PRX: variants seen among roughly 807,000 people sequenced by gnomAD.
The protein encoded by PRX is periaxin.
In PRX, 24 loss-of-function variants were observed where a neutral mutation model predicts 29.6. The ratio of observed to expected loss-of-function variants is 0.81; its 90% CI spans 0.59 to 1.14. PRX has a LOEUF of 1.14. Among genes scored for constraint, PRX ranks in the 50% most tolerant of loss-of-function variants. PRX has a pLI of 0.00. For synonymous variants in PRX, 772 were observed against 831.7 expected, an observed-to-expected ratio of 0.93 and a Z score of 1.24; for missense variants, 1,838 against 1,926.4, an observed-to-expected ratio of 0.95 and a Z score of 0.86.
chr19:40,395,377 G>T lies in PRX; in HGVS notation c.2975C>A (p.Ser992Tyr). ...EAGLLPALDL[S>Y]IPQLSLDAHL... is the part of the protein sequence containing the mutation. ...GGCATCCAGGCTGAGCTGTGGGATG[G>T]ACAGATCGAGGGCAGGCAGCAGGCC... Residue 992 changes from serine (S) to tyrosine (Y), a missense_variant, in exon 7 of 7, where the codon TCC becomes TAC. Ser to Tyr is a moderately radical substitution (Grantham distance 144). Transcript: ENST00000324001. 6.2e-7 allele frequency: 1 copy of T among 1,613,694 alleles called. No homozygotes were observed. The highest frequency in any genetic ancestry group is 8.5e-7 in the Non-Finnish European group (1 of 1,179,992).
rs775152960 is a variant in PRX at position 40,395,606 on chromosome 19, C to A, written c.2746G>T (p.Gly916Trp). 2.5e-6 allele frequency: 4 copies of A among 1,614,238 alleles called. No individual in the cohort carries two copies. The highest frequency in any genetic ancestry group is 2.5e-6 in the Non-Finnish European group (3 of 1,180,038). ...TTTGTCTCTATCATCTCCAGCCGCC[C>A]TTCCTCAATTTCCACGGCGGGCAGC... is the stretch of plus-strand genomic sequence containing the variant. The part of the protein sequence containing the change: ...PQLPAVEIEE[G>W]RLEMIETKVK... The change falls in exon 7 of 7, where the codon GGG becomes TGG. Residue 916 changes from glycine (G) to tryptophan (W), a missense_variant. This residue lies in a region of PRX where 1,143 missense variants were observed against 1,193.0 expected (regional missense o/e 0.96). Transcript: ENST00000324001.
chr19:40,397,715 G>A lies in PRX; in HGVS notation c.637C>T (p.Pro213Ser), dbSNP rs1192841059. 2.6e-6 allele frequency: 4 copies of A among 1,560,504 alleles called. No homozygotes were observed. The highest frequency in any genetic ancestry group is 1.2e-5 in the South Asian group (1 of 85,504). ...GCCTCCACCTTGGCTTTCCTGGGGG[G>A]AGGAGCGGCGGCGGCCAGCCGGGCT... is the stretch of plus-strand genomic sequence containing the variant. The part of the protein sequence containing the change: ...QAARLAAAAP[P>S]PRKAKVEAEV... Residue 213 changes from proline to serine, a missense_variant, in exon 7 of 7, where the codon CCC (proline) becomes TCC (serine). Physicochemically the swap from Pro to Ser is moderately conservative, Grantham distance 74. Coordinates refer to ENST00000324001, the MANE Select transcript of PRX (RefSeq NM_181882.3).
In PRX at chr19:40,407,142, C is replaced by A. The variant is rs541571232; in HGVS notation, c.27+764G>T. ...AGATCATCTGCCCAGGGCCACACAGCTGAAGTGGTAGGGTTGGGATTTGAG... is the reference window on the plus strand; with the variant it reads ...AGATCATCTGCCCAGGGCCACACAGATGAAGTGGTAGGGTTGGGATTTGAG... On this transcript the variant is annotated intron_variant, in intron 4 of 6. Transcript: ENST00000324001. Among the ~76,000 whole-genome samples the A allele has an allele frequency of 4.0e-5, 6 of 151,012 alleles. No individual in the cohort carries two copies. In the South Asian group the frequency reaches 1.3e-3, roughly 32 times the overall value.
intron 1 of PRX, 65 bp from the exon 2 acceptor site, chr19:40,408,448 C>A (rs144531065): frequency 1.1e-3 from 230 of 206,364 alleles, no homozygotes; most frequent in African/African-American, 5.0e-3. Context: ...GAGTGCCTGA[C>A]CCTGCTGCGT....
In PRX at chr19:40,397,887, G is replaced by A. The variant is rs775177164; in HGVS notation, c.465C>T (p.Asp155=). ...AGAACTTGGGAAAGGAGAACTCGAC[G>A]TCAACAGGGGCCAGGTCAGCGGGGA... is the stretch of plus-strand genomic sequence containing the variant. ...LGVPADLAPV[D]VEFSFPKFSR... is the part of the protein sequence containing the mutation. The change falls in exon 7 of 7, where the codon GAC becomes GAT. Residue 155 remains aspartate, a synonymous_variant. Coordinates refer to ENST00000324001, the MANE Select transcript of PRX (RefSeq NM_181882.3). The A allele has an allele frequency of 3.1e-6, 5 of 1,611,462 alleles. No individual in the cohort carries two copies. In the South Asian group the frequency reaches 3.3e-5, roughly 11 times the overall value.
intron 4 of PRX, among the ~76,000 whole-genome samples, chr19:40,405,168 C>A (rs1032632358): frequency 6.6e-5 from 10 of 152,062 alleles, no homozygotes; most frequent in Non-Finnish European, 8.8e-5. Context: ...CATGGCATTC[C>A]CGGTATTTAC....
intron 4 of PRX, among the ~76,000 whole-genome samples, chr19:40,405,526 G>T (rs2145743206): frequency 6.6e-6 from 1 of 152,134 alleles, no homozygotes; most frequent in Admixed American, 6.5e-5. Context: ...GGCAGTCTGG[G>T]TAAGGAGAGT....
chr19:40,403,829 C>T lies in PRX; in HGVS notation c.61G>A (p.Val21Met). ...ACCCCGGTCTGCGCCTCCGTCTCCA[C>T]GATAATTTCCACCAACTCCGCCCGC... is the stretch of plus-strand genomic sequence containing the variant. ...LRRAELVEII[V>M]ETEAQTGVSG... is the part of the protein sequence containing the mutation. The change falls in exon 5 of 7, where the codon GTG (valine) becomes ATG (methionine). Residue 21 changes from valine (V) to methionine (M), a missense_variant. Val to Met is a conservative substitution (Grantham distance 21, BLOSUM62 1). Around this residue, in one of 3 missense-constraint regions of PRX, gnomAD observed 666 missense variants for 665.0 expected, o/e 1.00. Coordinates refer to ENST00000324001, the MANE Select transcript of PRX (RefSeq NM_181882.3). 1 of 1,606,502 alleles carries T rather than the reference C, an allele frequency of 6.2e-7. No individual in the cohort carries two copies. The highest frequency in any genetic ancestry group is 8.5e-7 in the Non-Finnish European group (1 of 1,178,484).
rs1404974859 is a variant in PRX at position 40,394,298 on chromosome 19, G to A, written c.4054C>T (p.Pro1352Ser). 2 of 1,611,540 alleles carry A rather than the reference G, an allele frequency of 1.2e-6. No homozygotes were observed. The highest frequency in any genetic ancestry group is 1.7e-6 in the Non-Finnish European group (2 of 1,178,740). Residue 1352 changes from proline (P) to serine (S), a missense_variant, in exon 7 of 7, where the codon CCC becomes TCC. Around this residue, in one of 3 missense-constraint regions of PRX, gnomAD observed 1,143 missense variants for 1,193.0 expected, o/e 0.96. Transcript: ENST00000324001. The surrounding 1 kb of genome is among the most constrained non-coding windows in gnomAD (Gnocchi z 5.8). ...TCCTCCTCCTCCTCCTCCTCCTCGGGGCTGGGGGACCCTTCCCCAGTGACC... is the reference window on the plus strand; with the variant it reads ...TCCTCCTCCTCCTCCTCCTCCTCGGAGCTGGGGGACCCTTCCCCAGTGACC... Reference protein sequence around the residue: ...EMVTGEGSPSPEEEEEEEEEG... With the variant: ...EMVTGEGSPSSEEEEEEEEEG...
intron 4 of PRX, among the ~76,000 whole-genome samples, chr19:40,405,957 C>T (rs1419461057): frequency 9.4e-5 from 14 of 149,282 alleles, no homozygotes; most frequent in Non-Finnish European, 7.4e-5. Flanking sequence ...TTTTAAGAGT[C>T]GGAGTCAGGC....
rs1046312200 is a variant in PRX at position 40,397,022 on chromosome 19, G to C, written c.1330C>G (p.Leu444Val). 1 of 1,614,142 alleles carries C rather than the reference G, an allele frequency of 6.2e-7. No individual in the cohort carries two copies. The highest frequency in any genetic ancestry group is 2.2e-5 in the East Asian group (1 of 44,880). ...AGCTTGACCTCAGGAGCCTTGGGGAGCTTCACTTCAGGTCCCTTGGGCACC... is the reference window on the plus strand; with the variant it reads ...AGCTTGACCTCAGGAGCCTTGGGGACCTTCACTTCAGGTCCCTTGGGCACC... Reference protein sequence around the residue: ...VKVPKGPEVKLPKAPEVKLPK... With the variant: ...VKVPKGPEVKVPKAPEVKLPK... Residue 444 changes from leucine (L) to valine (V), a missense_variant, in exon 7 of 7, where the codon CTC becomes GTC. Transcript: ENST00000324001.
Position 40,400,592 on chromosome 19 carries a change from C to CAA in PRX, c.185-1778_185-1777dup, listed in dbSNP as rs71171569. On this transcript the variant is annotated intron_variant, in intron 5 of 6. Coordinates refer to ENST00000324001, the MANE Select transcript of PRX (RefSeq NM_181882.3). ...GGGCAACAAGAGCGAAATTCCATCTCAAAAAAAAAAAAAAAAAAAAAAAAA... is the reference window on the plus strand; with the variant it reads ...GGGCAACAAGAGCGAAATTCCATCTCAAAAAAAAAAAAAAAAAAAAAAAAAAA... Among the ~76,000 whole-genome samples, 72 of 44,828 alleles carry CAA rather than the reference C, an allele frequency of 1.6e-3. 6 individuals carry two copies. The highest frequency in any genetic ancestry group is 5.1e-3 in the African/African-American group (52 of 10,144). 29.4% of individuals were successfully genotyped at this position (44,828 alleles called of 152,430 possible). A position where few individuals can be genotyped will look rare whatever the true frequency, so the allele number is the denominator to read the frequency against.
At chr19:40,400,622 A>C (rs2079488286) in intron 5 of PRX, among the ~76,000 whole-genome samples, 1 of 147,734 alleles carries the variant, frequency 6.8e-6, no homozygotes, top group African/African-American at 2.5e-5. Context: ...AAAAAAAGAC[A>C]AGATCTCACT....
chr19:40,395,809 C>A lies in PRX; in HGVS notation c.2543G>T (p.Gly848Val). ...TGAAGGCAGAGTGAGAGAGGGGACA[C>A]CCACATGAGCCTCACCATCCACCTC... Reference protein sequence around the residue: ...QPEVDGEAHVGVPSLTLPSVE... With the variant: ...QPEVDGEAHVVVPSLTLPSVE... The change falls in exon 7 of 7, where the codon GGT becomes GTT. Residue 848 changes from glycine (G) to valine (V), a missense_variant. Physicochemically the swap from Gly to Val is moderately radical, Grantham distance 109 (BLOSUM62 -3). Transcript: ENST00000324001. 3.7e-6 allele frequency: 6 copies of A among 1,614,200 alleles called. No individual in the cohort carries two copies. The highest frequency in any genetic ancestry group is 5.1e-6 in the Non-Finnish European group (6 of 1,180,052).
chr19:40,410,610 G>C (rs11670050), intron 1 of PRX, among the ~76,000 whole-genome samples: 1 of 152,184 alleles, frequency 6.6e-6, no homozygotes, highest in Non-Finnish European at 1.5e-5. Flanking sequence ...GCGTGGCTTA[G>C]GCCTGTAATC....
intron 1 of PRX, among the ~76,000 whole-genome samples, chr19:40,411,480 G>A (rs1201055631): frequency 6.6e-6 from 1 of 152,164 alleles, no homozygotes; most frequent in African/African-American, 2.4e-5. Context: ...AGTAGAGGGG[G>A]TCTCCTGGGT....
chr19:40,397,706 T>C lies in PRX; in HGVS notation c.646A>G (p.Lys216Glu), dbSNP rs2079455011. 1.3e-6 allele frequency: 2 copies of C among 1,562,194 alleles called. No homozygotes were observed. Among genetic ancestry groups the C allele is most frequent in the African/African-American group, 1.3e-5 (1 of 74,318 alleles). ...GCCACCTCAGCCTCCACCTTGGCTT[T>C]CCTGGGGGGAGGAGCGGCGGCGGCC... ...RLAAAAPPPR[K>E]AKVEAEVAAG... Residue 216 changes from lysine to glutamate, a missense_variant, in exon 7 of 7, where the codon AAA (lysine) becomes GAA (glutamate). Transcript: ENST00000324001.
At chr19:40,408,816 G>GGTGTGTGTGTGTGT (rs575859236) in intron 1 of PRX, among the ~76,000 whole-genome samples, 13 of 143,398 alleles carry the variant, frequency 9.1e-5, no homozygotes, top group South Asian at 4.5e-4. Flanking sequence ...TGTTGTTGGT[G>GGTGTGTGTGTGTGT]GTGTGTGTGT....
Position 40,394,880 on chromosome 19 carries a change from T to G in PRX, c.3472A>C (p.Thr1158Pro), listed in dbSNP as rs1224070016. The stretch of plus-strand genomic sequence containing the variant: ...GGGGTACCTGCCTCCCCAAAGCCGG[T>G]CAGCTCCACCTGTGGCAGGGAGATG... ...LGISLPQVEL[T>P]GFGEAGTPGQ... is the part of the protein sequence containing the mutation. The change falls in exon 7 of 7, where the codon ACC (threonine) becomes CCC (proline). Residue 1158 changes from threonine to proline, a missense_variant. Coordinates refer to ENST00000324001, the MANE Select transcript of PRX (RefSeq NM_181882.3). The surrounding 1 kb of genome is among the most constrained non-coding windows in gnomAD (Gnocchi z 5.8). The G allele has an allele frequency of 9.3e-6, 15 of 1,611,618 alleles. No homozygotes were observed. The highest frequency in any genetic ancestry group is 1.2e-5 in the Non-Finnish European group (14 of 1,179,982).
Sources: allele counts gnomAD v4.1 joint callset (sites outside exome capture counted in the v4.1 genomes callset), GRCh38; gene constraint gnomAD v4.1.1; regional missense constraint gnomAD v4.1.1; non-coding constraint Gnocchi (gnomAD v3.1); transcripts MANE v1.5; gene names NCBI Gene and HGNC (gene_info 2026-07-23, HGNC 2026-07-21).